UNC5D: variants seen among roughly 807,000 people sequenced by gnomAD.
UNC5D encodes netrin receptor UNC5D.
Under a neutral mutation model 105.4 loss-of-function variants are expected in UNC5D, and 39 were observed. The ratio of observed to expected loss-of-function variants is 0.37; its 90% CI spans 0.29 to 0.48. The LOEUF (loss-of-function observed/expected upper bound fraction) is 0.48. UNC5D is among the 20% of genes least tolerant of loss of function. The pLI, the probability that UNC5D is intolerant of heterozygous loss-of-function variation, is 0.98. For missense variants in UNC5D, 991 were observed against 1,202.4 expected (o/e 0.82, Z 2.60); for synonymous variants, 452 against 450.4 (o/e 1.00, Z -0.04).
At chr8:35,471,500 G>T (rs915585284) in intron 1 of UNC5D, among the ~76,000 whole-genome samples, 1 of 152,078 alleles carries the variant, frequency 6.6e-6, no homozygotes, top group Non-Finnish European at 1.5e-5. Context: ...GAAAATAAAT[G>T]AAAGATTTTT....
At chr8:35,373,732 T>C (rs1050168045) in intron 1 of UNC5D, among the ~76,000 whole-genome samples, 1 of 152,206 alleles carries the variant, frequency 6.6e-6, no homozygotes, top group Non-Finnish European at 1.5e-5. Context: ...GAGTCAACTA[T>C]CTGCAGTTGT....
chr8:35,465,687 T>A (rs530119878), intron 1 of UNC5D, among the ~76,000 whole-genome samples: 1 of 152,288 alleles, frequency 6.6e-6, no homozygotes, highest in African/African-American at 2.4e-5. Context: ...CCCAGAGATA[T>A]CCTAATCCCT....
At chr8:35,642,720 C>T (rs1475372175) in intron 4 of UNC5D, among the ~76,000 whole-genome samples, 1 of 152,048 alleles carries the variant, frequency 6.6e-6, no homozygotes, top group Admixed American at 6.6e-5. Context: ...TTAATTAGCA[C>T]ATACTGCAAA....
intron 11 of UNC5D, among the ~76,000 whole-genome samples, chr8:35,731,399 C>CA (rs57529561): frequency 0.1 from 3,129 of 30,456 alleles, 569 homozygotes; most frequent in Non-Finnish European, 0.26. Flanking sequence ...ACTCTGTCTC[C>CA]AAAAAAAAAA....
intron 3 of UNC5D, among the ~76,000 whole-genome samples, chr8:35,571,436 T>A (rs901842586): frequency 1.3e-5 from 2 of 152,218 alleles, no homozygotes; most frequent in African/African-American, 4.8e-5. Context: ...AAATTATTTA[T>A]GCAAGTCAAG....
chr8:35,490,558 C>T (rs551000320), intron 1 of UNC5D, among the ~76,000 whole-genome samples: 1 of 152,088 alleles, frequency 6.6e-6, no homozygotes, highest in Admixed American at 6.5e-5. Context: ...AATTTCGGGC[C>T]TTCATGGAAG....
At chr8:35,418,579 T>G (rs982005334) in intron 1 of UNC5D, among the ~76,000 whole-genome samples, 2 of 152,158 alleles carry the variant, frequency 1.3e-5, no homozygotes, top group African/African-American at 4.8e-5. Flanking sequence ...CTTCAAACTG[T>G]GTGTCAGAAT....
chr8:35,573,561 TG>T (rs1288243608), intron 3 of UNC5D, among the ~76,000 whole-genome samples: 1 of 152,208 alleles, frequency 6.6e-6, no homozygotes, highest in Non-Finnish European at 1.5e-5. Context: ...CCCTGAGTGC[TG>T]TTGGCACTAA....
intron 1 of UNC5D, among the ~76,000 whole-genome samples, chr8:35,241,909 C>G (rs556892615): frequency 6.6e-6 from 1 of 152,268 alleles, no homozygotes; most frequent in Admixed American, 6.5e-5. Flanking sequence ...CCCTACTGAT[C>G]TATCAGACAC....
intron 1 of UNC5D, among the ~76,000 whole-genome samples, chr8:35,275,426 A>G (rs1208321251): frequency 6.6e-6 from 1 of 152,182 alleles, no homozygotes; most frequent in African/African-American, 2.4e-5. Context: ...CATTGTGACA[A>G]GTCAATGTGG....
intron 14 of UNC5D, among the ~76,000 whole-genome samples, chr8:35,766,121 AT>A (rs1801754479): frequency 6.6e-6 from 1 of 152,084 alleles, no homozygotes; most frequent in Non-Finnish European, 1.5e-5. Context: ...ACTAAAAGGT[AT>A]TTTTGCCTCT....
chr8:35,604,049 G>T (rs1036837192), intron 4 of UNC5D, among the ~76,000 whole-genome samples: 1 of 152,130 alleles, frequency 6.6e-6, no homozygotes, highest in African/African-American at 2.4e-5. Context: ...TTACATTTAA[G>T]CTTAGTATTG....
At chr8:35,704,344 C>T (rs557490020) in intron 7 of UNC5D, among the ~76,000 whole-genome samples, 2 of 152,242 alleles carry the variant, frequency 1.3e-5, no homozygotes, top group South Asian at 4.1e-4. Context: ...ATGTTAAATG[C>T]AGGAGTGAGT....
At chr8:35,557,552 T>C (rs147294103) in intron 2 of UNC5D, among the ~76,000 whole-genome samples, 16 of 152,318 alleles carry the variant, frequency 1.1e-4, no homozygotes, top group Non-Finnish European at 2.2e-4. Context: ...TTCAGTACTA[T>C]GTTGGCCTGA....
intron 3 of UNC5D, among the ~76,000 whole-genome samples, chr8:35,575,088 G>A (rs1012495945): frequency 3.9e-5 from 6 of 152,226 alleles, no homozygotes; most frequent in Non-Finnish European, 5.9e-5. Flanking sequence ...AATTCTAAGT[G>A]TCTAACTGAG....
chr8:35,587,629 A>G (rs1276187415), intron 3 of UNC5D, among the ~76,000 whole-genome samples: 2 of 152,138 alleles, frequency 1.3e-5, no homozygotes, highest in Non-Finnish European at 2.9e-5. Flanking sequence ...AGAATTTGCA[A>G]TTCTGAAAAG....
chr8:35,766,762 G>A, intron 14 of UNC5D, 140 bp from the exon 15 acceptor site: 1 of 997,364 alleles, frequency 1.0e-6, no homozygotes, highest in Non-Finnish European at 1.4e-6. Context: ...AAGCTGCCTA[G>A]GCAATTATCT....
At chr8:35,610,418 C>G (rs527660851) in intron 4 of UNC5D, among the ~76,000 whole-genome samples, 1 of 152,138 alleles carries the variant, frequency 6.6e-6, no homozygotes, top group Non-Finnish European at 1.5e-5. Context: ...ATCCTAATCT[C>G]AAATTTGCTA....
At chr8:35,632,020 A>G (rs916225516) in intron 4 of UNC5D, among the ~76,000 whole-genome samples, 5 of 152,294 alleles carry the variant, frequency 3.3e-5, no homozygotes, top group Middle Eastern at 3.4e-3. Context: ...TGCATCTGAC[A>G]TTGTCCACTG....
Sources: allele counts gnomAD v4.1 joint callset (sites outside exome capture counted in the v4.1 genomes callset), GRCh38; gene constraint gnomAD v4.1.1; transcripts MANE v1.5; gene names NCBI Gene and HGNC (gene_info 2026-07-23, HGNC 2026-07-21).